Variants in PRKCE observed in about 807,000 individuals in gnomAD.
The protein encoded by PRKCE is protein kinase C epsilon.
Under a neutral mutation model 85.4 loss-of-function variants are expected in PRKCE, and 16 were observed. The ratio of observed to expected loss-of-function variants is 0.19; its 90% confidence interval spans 0.13 to 0.28. PRKCE has a LOEUF of 0.28. Among genes scored for constraint, PRKCE ranks in the 10% least tolerant of loss-of-function variants. PRKCE has a pLI of 1.00. For missense variants in PRKCE, 573 were observed against 975.2 expected (o/e 0.59, Z 5.49); for synonymous variants, 388 against 371.5 (o/e 1.04, Z -0.51).
chr2:45,691,716 A>G (rs1363098749), intron 1 of PRKCE, among the ~76,000 whole-genome samples: 1 of 152,032 alleles, frequency 6.6e-6, no homozygotes, highest in Admixed American at 6.6e-5. Context: ...TGCTGCTGGT[A>G]TTTGGTATTT....
intron 1 of PRKCE, among the ~76,000 whole-genome samples, chr2:45,753,215 C>A (rs1253209012): frequency 6.6e-6 from 1 of 152,090 alleles, no homozygotes; most frequent in African/African-American, 2.4e-5. Flanking sequence ...TGCACTAATT[C>A]CACCTCACCC....
intron 10 of PRKCE, among the ~76,000 whole-genome samples, chr2:46,027,611 G>A (rs13003856): frequency 0.54 from 82,111 of 152,124 alleles, 22,822 homozygotes; most frequent in Middle Eastern, 0.67. Context: ...CATCCAAACT[G>A]TCATAGGCAC....
chr2:45,843,083 C>T lies in PRKCE; in HGVS notation c.412+20C>T. On this transcript the variant is annotated intron_variant, in intron 2 of 14. Coordinates refer to ENST00000306156, the MANE Select transcript of PRKCE (RefSeq NM_005400.3). ...GTGAAGGTAGGAGAGCGTGACTTCT[C>T]ATCCCTGTTTTCTTCCATTGGCCCT... is the stretch of plus-strand genomic sequence containing the variant. 1 of 1,610,696 alleles carries T rather than the reference C, an allele frequency of 6.2e-7. No homozygotes were observed. The highest frequency in any genetic ancestry group is 8.5e-7 in the Non-Finnish European group (1 of 1,176,928).
At chr2:45,831,547 G>T (rs1204689570) in intron 1 of PRKCE, among the ~76,000 whole-genome samples, 1 of 152,154 alleles carries the variant, frequency 6.6e-6, no homozygotes, top group Non-Finnish European at 1.5e-5. Context: ...TTTTGTAGTT[G>T]TAGAGAACAG....
intron 14 of PRKCE, among the ~76,000 whole-genome samples, chr2:46,182,407 A>G (rs1286588796): frequency 6.6e-6 from 1 of 152,056 alleles, no homozygotes; most frequent in Non-Finnish European, 1.5e-5. Context: ...TGTTCTGTAC[A>G]CACTGGAGAG....
intron 10 of PRKCE, among the ~76,000 whole-genome samples, chr2:46,056,488 A>G (rs13033158): frequency 0.18 from 27,926 of 152,142 alleles, 3,059 homozygotes; most frequent in Non-Finnish European, 0.25. Context: ...CAGTGATTGT[A>G]TGGTACTTTC....
intron 1 of PRKCE, among the ~76,000 whole-genome samples, chr2:45,769,172 GC>G (rs1685125889): frequency 6.6e-6 from 1 of 152,144 alleles, no homozygotes; most frequent in Admixed American, 6.5e-5. Context: ...CTGTGTGGGA[GC>G]CAGTGAGACC....
At chr2:45,902,955 G>T (rs1455290322) in intron 2 of PRKCE, among the ~76,000 whole-genome samples, 2 of 152,056 alleles carry the variant, frequency 1.3e-5, no homozygotes, top group Non-Finnish European at 2.9e-5. Context: ...TTCCCAGATG[G>T]GCATATATAG....
intron 11 of PRKCE, among the ~76,000 whole-genome samples, chr2:46,117,080 A>G (rs983691972): frequency 2.6e-5 from 4 of 152,244 alleles, no homozygotes; most frequent in Admixed American, 6.5e-5. Flanking sequence ...ACAATTGACT[A>G]TCAAAAGTAC....
intron 10 of PRKCE, among the ~76,000 whole-genome samples, chr2:46,055,056 C>G (rs544779837): frequency 6.6e-6 from 1 of 152,184 alleles, no homozygotes; most frequent in African/African-American, 2.4e-5. Flanking sequence ...CTAATTCGTT[C>G]GTGATCACAT....
intron 1 of PRKCE, among the ~76,000 whole-genome samples, chr2:45,748,810 T>C (rs1387543981): frequency 6.6e-6 from 1 of 151,966 alleles, no homozygotes; most frequent in Non-Finnish European, 1.5e-5. Flanking sequence ...CTGAGAGCAA[T>C]GAGAGATGTT....
At chr2:45,704,604 G>A (rs1189170051) in intron 1 of PRKCE, among the ~76,000 whole-genome samples, 1 of 152,112 alleles carries the variant, frequency 6.6e-6, no homozygotes, top group African/African-American at 2.4e-5. Context: ...TACTCTCTGG[G>A]TCCCTCCTCT....
chr2:46,113,011 T>C (rs915961095), intron 11 of PRKCE, among the ~76,000 whole-genome samples: 8 of 152,238 alleles, frequency 5.3e-5, no homozygotes, highest in Non-Finnish European at 8.8e-5. Context: ...ATAGAGAGAT[T>C]GTGAGGCTTA....
chr2:45,755,939 G>T (rs1002962993), intron 1 of PRKCE, among the ~76,000 whole-genome samples: 4 of 152,206 alleles, frequency 2.6e-5, no homozygotes, highest in African/African-American at 9.7e-5. Flanking sequence ...AAGGGAGGAG[G>T]ATGGAGAGTG....
chr2:46,023,358 T>C (rs1706842372), intron 10 of PRKCE, among the ~76,000 whole-genome samples: 1 of 152,202 alleles, frequency 6.6e-6, no homozygotes, highest in Non-Finnish European at 1.5e-5. Flanking sequence ...CCCTGTAACC[T>C]GTTTAGTCAT....
intron 2 of PRKCE, among the ~76,000 whole-genome samples, chr2:45,931,729 G>C (rs4952795): frequency 0.78 from 119,203 of 151,900 alleles, 48,016 homozygotes; most frequent in East Asian, 0.99. Flanking sequence ...TTTTTTGAGA[G>C]AGAGTCTTGC....
chr2:45,688,757 C>T (rs763515351), intron 1 of PRKCE, among the ~76,000 whole-genome samples: 47 of 152,148 alleles, frequency 3.1e-4, no homozygotes, highest in Non-Finnish European at 5.1e-4. Flanking sequence ...AATAAAGCTT[C>T]CTATCTGGGT....
intron 1 of PRKCE, among the ~76,000 whole-genome samples, chr2:45,791,311 AG>A (rs1687013890): frequency 6.6e-6 from 1 of 152,210 alleles, no homozygotes; most frequent in African/African-American, 2.4e-5. Flanking sequence ...GAGATGGAAA[AG>A]ACTGTAAGGC....
At chr2:45,906,266 T>C (rs1696967516) in intron 2 of PRKCE, among the ~76,000 whole-genome samples, 1 of 152,224 alleles carries the variant, frequency 6.6e-6, no homozygotes, top group South Asian at 2.1e-4. Context: ...GAGGCTGCAC[T>C]GCTCACAGGG....
Sources: allele counts gnomAD v4.1 joint callset (sites outside exome capture counted in the v4.1 genomes callset), GRCh38; gene constraint gnomAD v4.1.1; transcripts MANE v1.5; gene names NCBI Gene and HGNC (gene_info 2026-07-23, HGNC 2026-07-21).